The following SPATA6 variants were observed in gnomAD, a reference collection of about 807,000 sequenced individuals.
SPATA6 encodes spermatogenesis associated 6.
A neutral mutation model predicts 65.3 loss-of-function variants in SPATA6; 56 were observed. The ratio of observed to expected loss-of-function variants is 0.86; its 90% CI spans 0.69 to 1.07. SPATA6 has a LOEUF of 1.07. Among genes scored for constraint, SPATA6 ranks in the 50% least tolerant of loss-of-function variants. The probability of loss-of-function intolerance (pLI) is 0.00; values close to 1 mark genes in which losing one functional copy is unlikely to be tolerated. For missense variants in SPATA6, 590 were observed against 594.8 expected (o/e 0.99, Z 0.08); for synonymous variants, 199 against 213.2 (o/e 0.93, Z 0.58).
At chr1:48,386,518 A>G (rs1649484033) in intron 8 of SPATA6, among the ~76,000 whole-genome samples, 1 of 152,220 alleles carries the variant, frequency 6.6e-6, no homozygotes, top group African/African-American at 2.4e-5. Context: ...GCCAATAGAG[A>G]ATACTGGAAT....
At chr1:48,352,398 G>C (rs1646536809) in intron 11 of SPATA6, among the ~76,000 whole-genome samples, 1 of 151,986 alleles carries the variant, frequency 6.6e-6, no homozygotes, top group Admixed American at 6.6e-5. Flanking sequence ...ATTGATCAAA[G>C]TTTCAACAGC....
the SPATA6 span, among the ~76,000 whole-genome samples, chr1:48,267,752 G>GTTTTTTTTTTTTTTT: frequency 2.8e-5 from 2 of 72,676 alleles, no homozygotes; most frequent in Non-Finnish European, 4.7e-5. Flanking sequence ...TAGGGTCTGG[G>GTTTTTTTTTTTTTTT]TTTTTTTTTT....
chr1:48,314,922 C>T (rs1645358984), intron 11 of SPATA6, among the ~76,000 whole-genome samples: 1 of 152,156 alleles, frequency 6.6e-6, no homozygotes, highest in Non-Finnish European at 1.5e-5. Context: ...CACCTCTATG[C>T]AAATAAACTA....
At chr1:48,301,554 A>T (rs569809159) in intron 12 of SPATA6, among the ~76,000 whole-genome samples, 1 of 151,882 alleles carries the variant, frequency 6.6e-6, no homozygotes, top group Non-Finnish European at 1.5e-5. Context: ...CACAAAAAAA[A>T]AAACTAGAAT....
chr1:48,331,917 A>G (rs1645927220), intron 11 of SPATA6, among the ~76,000 whole-genome samples: 1 of 152,240 alleles, frequency 6.6e-6, no homozygotes, highest in Non-Finnish European at 1.5e-5. Flanking sequence ...GGGGACCTGT[A>G]TTCAACAGTC....
chr1:48,410,324 C>G (rs991971699), intron 5 of SPATA6, among the ~76,000 whole-genome samples: 1 of 152,166 alleles, frequency 6.6e-6, no homozygotes, highest in African/African-American at 2.4e-5. Context: ...GAAACAACCT[C>G]CGTCTGGACT....
chr1:48,376,246 C>T (rs1020051664), intron 9 of SPATA6, among the ~76,000 whole-genome samples: 5 of 152,058 alleles, frequency 3.3e-5, no homozygotes, highest in African/African-American at 1.2e-4. Context: ...GGACAAGTGT[C>T]ATGTGGTTGA....
intron 9 of SPATA6, among the ~76,000 whole-genome samples, chr1:48,367,321 G>A (rs61772954): frequency 0.18 from 26,661 of 152,052 alleles, 2,924 homozygotes; most frequent in Middle Eastern, 0.29. Flanking sequence ...TCTGCTTGGT[G>A]CAGAGCTGAG....
At chr1:48,355,555 C>G (rs2148806496) in intron 11 of SPATA6, 115 bp downstream of exon 11, 1 of 679,130 alleles carries the variant, frequency 1.5e-6, no homozygotes, top group Non-Finnish European at 2.4e-6. Context: ...TCAAATGGAG[C>G]TTGCTTGCTT....
chr1:48,448,484 C>G (rs1656272357), intron 3 of SPATA6, among the ~76,000 whole-genome samples: 1 of 139,116 alleles, frequency 7.2e-6, no homozygotes, highest in African/African-American at 2.5e-5. Context: ...TATTCAGTGT[C>G]CCCACAGGAA....
chr1:48,307,526 C>T (rs1035088549), intron 11 of SPATA6, among the ~76,000 whole-genome samples: 1 of 150,986 alleles, frequency 6.6e-6, no homozygotes, highest in Admixed American at 6.6e-5. Context: ...ACAAGGATCA[C>T]ATCTTATTAT....
At chr1:48,361,067 G>A (rs1267706313) in intron 9 of SPATA6, among the ~76,000 whole-genome samples, 2 of 152,150 alleles carry the variant, frequency 1.3e-5, no homozygotes, top group African/African-American at 4.8e-5. Context: ...TTACAGCAGA[G>A]TTTGGGGGAA....
intron 3 of SPATA6, among the ~76,000 whole-genome samples, chr1:48,434,259 G>GAAAAAAAAA (rs530291772): frequency 2.7e-5 from 3 of 109,854 alleles, no homozygotes; most frequent in Non-Finnish European, 5.3e-5. Context: ...AGCAGTGAAA[G>GAAAAAAAAA]AAAAAAAAAA....
intron 9 of SPATA6, among the ~76,000 whole-genome samples, chr1:48,384,717 A>C (rs1015645388): frequency 7.9e-5 from 12 of 152,154 alleles, no homozygotes; most frequent in African/African-American, 2.7e-4. Context: ...CCTCTCTACC[A>C]TTACTTCTCA....
downstream of SPATA6, among the ~76,000 whole-genome samples, chr1:48,290,915 A>C (rs566691930): frequency 1.3e-5 from 2 of 152,238 alleles, no homozygotes; most frequent in South Asian, 2.1e-4. Flanking sequence ...TTAACACCCC[A>C]CTGTCAACAT....
At chr1:48,319,049 A>G (rs1004391185) in intron 11 of SPATA6, among the ~76,000 whole-genome samples, 1 of 152,222 alleles carries the variant, frequency 6.6e-6, no homozygotes, top group East Asian at 1.9e-4. Context: ...GTGCTGTGAC[A>G]ACCAGATTTC....
intron 3 of SPATA6, among the ~76,000 whole-genome samples, chr1:48,428,687 T>G (rs189211962): frequency 4.5e-4 from 68 of 151,728 alleles, no homozygotes; most frequent in African/African-American, 1.6e-3. Context: ...GGGTTGGTCT[T>G]GCTGTCTCAG....
intron 10 of SPATA6, 74 bp downstream of exon 10, chr1:48,359,512 G>T: frequency 1.4e-6 from 2 of 1,457,166 alleles, no homozygotes; most frequent in Non-Finnish European, 9.3e-7. Context: ...CATTTCACAT[G>T]CATAATTGCT....
intron 8 of SPATA6, among the ~76,000 whole-genome samples, chr1:48,389,778 G>A (rs539946054): frequency 2.0e-5 from 3 of 152,250 alleles, no homozygotes; most frequent in Admixed American, 2.0e-4. Flanking sequence ...TACAAGATGT[G>A]ATCAAGGGAA....
Sources: allele counts gnomAD v4.1 joint callset (sites outside exome capture counted in the v4.1 genomes callset), GRCh38; gene constraint gnomAD v4.1.1; transcripts MANE v1.5; gene names NCBI Gene and HGNC (gene_info 2026-07-23, HGNC 2026-07-21).